The following DLG2 variants were observed in gnomAD, a reference collection of about 807,000 sequenced individuals.
The protein encoded by DLG2 is disks large homolog 2.
A neutral mutation model predicts 132.5 loss-of-function variants in DLG2; 45 were observed. That is an observed-to-expected ratio of 0.34 (90% CI 0.27 to 0.44). The LOEUF (loss-of-function observed/expected upper bound fraction) is 0.44. Among genes scored for constraint, DLG2 ranks in the 20% least tolerant of loss-of-function variants. The pLI is 1.00. For synonymous variants in DLG2, 424 were observed against 419.6 expected (o/e 1.01, Z -0.13); for missense variants, 1,045 against 1,196.9 (o/e 0.87, Z 1.87).
At chr11:84,455,311 T>C (rs1057215044) in intron 7 of DLG2, among the ~76,000 whole-genome samples, 2 of 151,568 alleles carry the variant, frequency 1.3e-5, no homozygotes, top group Admixed American at 1.3e-4. Flanking sequence ...TGCAAGTAGA[T>C]TCATAAAGAA....
intron 3 of DLG2, among the ~76,000 whole-genome samples, chr11:85,577,106 T>C (rs1038084295): frequency 6.6e-6 from 1 of 152,178 alleles, no homozygotes; most frequent in African/African-American, 2.4e-5. Flanking sequence ...ATAAGGACTT[T>C]GATTTTGTTT....
intron 8 of DLG2, among the ~76,000 whole-genome samples, chr11:84,212,950 GC>G (rs147680356): frequency 0.014 from 2,154 of 152,248 alleles, 44 homozygotes; most frequent in African/African-American, 0.049. Context: ...GAGCCGCGGC[GC>G]CCGGCCTTAC....
intron 11 of DLG2, among the ~76,000 whole-genome samples, chr11:84,037,081 C>T (rs554036142): frequency 1.3e-5 from 2 of 152,188 alleles, no homozygotes; most frequent in African/African-American, 4.8e-5. Context: ...GAATACACTG[C>T]TTTGCTATTT....
chr11:84,730,911 A>G (rs953589627), intron 6 of DLG2, among the ~76,000 whole-genome samples: 1 of 152,064 alleles, frequency 6.6e-6, no homozygotes, highest in African/African-American at 2.4e-5. Flanking sequence ...GCTATGTATC[A>G]CAGATTTAAG....
At chr11:85,368,534 G>T (rs549743523) in intron 3 of DLG2, among the ~76,000 whole-genome samples, 65 of 152,256 alleles carry the variant, frequency 4.3e-4, no homozygotes, top group African/African-American at 1.3e-3. Flanking sequence ...CTCTCACCCG[G>T]AGTATTTCAT....
intron 6 of DLG2, among the ~76,000 whole-genome samples, chr11:84,925,647 A>G (rs886866953): frequency 1.3e-5 from 2 of 152,218 alleles, no homozygotes; most frequent in Non-Finnish European, 2.9e-5. Flanking sequence ...TTGCTATAGT[A>G]GAAGAAAGTT....
Position 83,588,382 on chromosome 11 carries a change from C to T in DLG2, c.1940+44829G>A, listed in dbSNP as rs1158810282. On this transcript the variant is annotated intron_variant, in intron 19 of 27. Transcript: ENST00000376104. ...CCCCCCAGCAGGGGCACACTGACAC[C>T]TCACACAGCAGGGTATTCCAACAGA... Among the ~76,000 whole-genome samples, 5 of 151,856 alleles carry T rather than the reference C, an allele frequency of 3.3e-5. No individual in the cohort carries two copies. The East Asian group carries it at 5.8e-4, about 18-fold the overall frequency.
rs937829270 is a variant in DLG2, at chr11:84,652,911, C to T, written c.358-118180G>A. Among the ~76,000 whole-genome samples the T allele has an allele frequency of 4.8e-5, 7 of 146,824 alleles. No homozygotes were observed. In the East Asian group the frequency reaches 1.2e-3, roughly 26 times the overall value. On this transcript the variant is annotated intron_variant, in intron 6 of 27. Coordinates refer to ENST00000376104, the MANE Select transcript of DLG2 (RefSeq NM_001142699.3). Reference sequence around the variant, plus strand: ...GATAGTGCAGGACAATGGTGAGGTACAATAGAATCCAATATTGGAGGTTTT... The same window carrying T: ...GATAGTGCAGGACAATGGTGAGGTATAATAGAATCCAATATTGGAGGTTTT...
chr11:84,220,981 T>C (rs1262262171), intron 8 of DLG2, among the ~76,000 whole-genome samples: 2 of 150,894 alleles, frequency 1.3e-5, no homozygotes, highest in Non-Finnish European at 3.0e-5. Context: ...TACTTTTTTT[T>C]TTGGTAGAGA....
chr11:84,470,803 C>T (rs941499233), intron 7 of DLG2, among the ~76,000 whole-genome samples: 10 of 151,732 alleles, frequency 6.6e-5, no homozygotes, highest in African/African-American at 1.7e-4. Context: ...TTGGAAAGAA[C>T]ATTTTGTGGT....
At chr11:84,067,119 G>C (rs1016199321) in intron 10 of DLG2, among the ~76,000 whole-genome samples, 2 of 152,092 alleles carry the variant, frequency 1.3e-5, no homozygotes, top group African/African-American at 4.8e-5. Flanking sequence ...AGTATCATGA[G>C]GTCAGGAGTT....
chr11:84,733,169 C>G (rs2063372391), intron 6 of DLG2, among the ~76,000 whole-genome samples: 1 of 152,128 alleles, frequency 6.6e-6, no homozygotes, highest in South Asian at 2.1e-4. Context: ...AATGGGATTG[C>G]TGGGTCAAAT....
intron 10 of DLG2, among the ~76,000 whole-genome samples, chr11:84,085,690 G>C (rs1248654891): frequency 6.6e-6 from 1 of 152,190 alleles, no homozygotes; most frequent in African/African-American, 2.4e-5. Context: ...TGGAAGTTTA[G>C]ATATAAACCT....
Position 84,844,165 on chromosome 11 carries a change from A to G in DLG2, c.357+267496T>C, listed in dbSNP as rs182214129. On this transcript the variant is annotated intron_variant, in intron 6 of 27. Coordinates refer to ENST00000376104, the MANE Select transcript of DLG2 (RefSeq NM_001142699.3). ...TATATATATATATATATATATATAT[A>G]TATATATGTATCTCCCCATTATACA... Among the ~76,000 whole-genome samples, 333 of 130,258 alleles carry G rather than the reference A, an allele frequency of 2.6e-3. 2 individuals carry two copies. The highest frequency in any genetic ancestry group is 9.1e-3 in the African/African-American group (320 of 35,348). 85.5% of individuals were successfully genotyped at this position (130,258 alleles called of 152,430 possible).
In DLG2 at chr11:84,239,470, C is replaced by A. The variant is rs1322649410; in HGVS notation, c.573+11768G>T. ...GTGCTGGGATTACAGGCATGAGTCACCATGCCCAGCCTGGAATTTAAAGAT... is the reference window on the plus strand; with the variant it reads ...GTGCTGGGATTACAGGCATGAGTCAACATGCCCAGCCTGGAATTTAAAGAT... On this transcript the variant is annotated intron_variant, in intron 8 of 27. Coordinates refer to ENST00000376104, the MANE Select transcript of DLG2 (RefSeq NM_001142699.3). 4.6e-5 allele frequency among the ~76,000 whole-genome samples: 7 copies of A among 152,160 alleles called. No individual in the cohort carries two copies. The East Asian group carries it at 1.4e-3, about 29-fold the overall frequency.
At chr11:85,132,990 G>T (rs567514246) in intron 5 of DLG2, 8 of 341,520 alleles carry the variant, frequency 2.3e-5, no homozygotes, top group Middle Eastern at 4.9e-4. Context: ...GATTCTGCTA[G>T]GCACCAGAAA....
chr11:84,092,095 G>T (rs2097102033), intron 10 of DLG2, among the ~76,000 whole-genome samples: 7 of 152,182 alleles, frequency 4.6e-5, no homozygotes. Flanking sequence ...CAAATGATTA[G>T]GGGACTTAAT....
intron 21 of DLG2, among the ~76,000 whole-genome samples, chr11:83,494,352 C>A (rs920441514): frequency 6.7e-6 from 1 of 149,814 alleles, no homozygotes; most frequent in East Asian, 2.0e-4. Flanking sequence ...TTCTTGTAAA[C>A]CCGCAAATTT....
chr11:85,348,083 T>C (rs1030059075), intron 3 of DLG2, among the ~76,000 whole-genome samples: 1 of 146,428 alleles, frequency 6.8e-6, no homozygotes, highest in Non-Finnish European at 1.5e-5. Flanking sequence ...CCTCCCTGGT[T>C]CAAGCGATTC....
Sources: gnomAD v4.1 joint callset for allele counts (sites outside exome capture counted in the v4.1 genomes callset) on GRCh38, gnomAD v4.1.1 for gene constraint, MANE v1.5 for transcripts, NCBI Gene and HGNC (gene_info 2026-07-23, HGNC 2026-07-21) for gene names.